LCAT: variants seen among roughly 807,000 people sequenced by gnomAD.
LCAT encodes lecithin-cholesterol acyltransferase.
In LCAT, 15 loss-of-function variants were observed where a neutral mutation model predicts 41.0. The ratio of observed to expected loss-of-function variants is 0.37; its 90% confidence interval spans 0.24 to 0.56. The LOEUF is 0.56. LCAT is among the 20% of genes least tolerant of loss of function. The pLI, the probability that LCAT is intolerant of heterozygous loss-of-function variation, is 0.81. For missense variants in LCAT, 449 were observed against 595.1 expected (o/e 0.75, Z 2.55); for synonymous variants, 248 against 245.4 (o/e 1.01, Z -0.10).
intron 5 of LCAT, chr16:67,941,988 C>T (rs1160743840): frequency 1.7e-6 from 2 of 1,201,430 alleles, no homozygotes; most frequent in Admixed American, 3.6e-5. Flanking sequence ...GGGGGTCTGG[C>T]CCTAGCTCTG....
rs121908055 is a variant in LCAT, at chr16:67,942,967, G to A, written c.321C>T (p.Tyr107=). 1 of 1,613,892 alleles carries A rather than the reference G, an allele frequency of 6.2e-7. No individual in the cohort carries two copies. Among genetic ancestry groups the A allele is most frequent in the Non-Finnish European group, 8.5e-7 (1 of 1,179,968 alleles). The change falls in exon 3 of 6, where the codon TAC becomes TAT. Residue 107 remains tyrosine, a synonymous_variant. Coordinates refer to ENST00000264005, the MANE Select transcript of LCAT (RefSeq NM_000229.2). The surrounding 1 kb of genome is among the most constrained non-coding windows in gnomAD (Gnocchi z 6.6). ...DCWIDNTRVV[Y]NRSSGLVSNA... ...TGGACACGAGCCCAGAGCTCCGGTTGTAGACAACCCTGCGGGGCGGGGGTG... is the reference window on the plus strand; with the variant it reads ...TGGACACGAGCCCAGAGCTCCGGTTATAGACAACCCTGCGGGGCGGGGGTG...
chr16:67,942,477 G>A lies in LCAT; in HGVS notation c.634C>T (p.Leu212Phe). The A allele has an allele frequency of 1.2e-6, 2 of 1,613,872 alleles. No homozygotes were observed. Among genetic ancestry groups the A allele is most frequent in the South Asian group, 2.2e-5 (2 of 91,088 alleles). ...TGGGGCTGGCGCAGCAGGAAATAGA[G>A]CAAGTGTAGACAGCCGAGGCTGTGG... ...IGHSLGCLHL[L>F]YFLLRQPQAW... Residue 212 changes from leucine (L) to phenylalanine (F), a missense_variant, in exon 5 of 6, where the codon CTC (leucine) becomes TTC (phenylalanine). Physicochemically the swap from Leu to Phe is conservative, Grantham distance 22. Transcript: ENST00000264005. The surrounding 1 kb of genome is among the most constrained non-coding windows in gnomAD (Gnocchi z 6.6).
At position 67,942,125 on chromosome 16, in the gene LCAT, G is replaced by T. The variant is rs2058294811; in HGVS notation, c.748+238C>A. On this transcript the variant is annotated intron_variant, in intron 5 of 5. Coordinates refer to ENST00000264005, the MANE Select transcript of LCAT (RefSeq NM_000229.2). The surrounding 1 kb of genome is among the most constrained non-coding windows in gnomAD (Gnocchi z 6.6). ...ACAAACCCTGGGAGCAGATAGCTGG[G>T]ATTCACTTTCTGTGTTCACTGCCCC... 2 of 1,410,508 alleles carry T rather than the reference G, an allele frequency of 1.4e-6. No homozygotes were observed. Among genetic ancestry groups the T allele is most frequent in the East Asian group, 2.6e-5 (1 of 37,906 alleles). 87.4% of individuals were successfully genotyped at this position (1,410,508 alleles called of 1,614,324 possible). A position where few individuals can be genotyped will look rare whatever the true frequency, so the allele number is the denominator to read the frequency against.
rs1432561712 is a variant in LCAT at position 67,943,001 on chromosome 16, CAGCCAGT to C, written c.312-32_312-26del. ...CCTGCGGGGCGGGGGTGCCACTCAG[CAGCCAGT>C]AGCCAAGGGGCAGCGTGTTGGGGCT... On this transcript the variant is annotated intron_variant, in intron 2 of 5. Coordinates refer to ENST00000264005, the MANE Select transcript of LCAT (RefSeq NM_000229.2). This position sits in a 1 kb window ranked among gnomAD's most constrained non-coding sequence, Gnocchi z 4.6. 6.2e-7 allele frequency: 1 copy of C among 1,613,740 alleles called. No individual in the cohort carries two copies. Among genetic ancestry groups the C allele is most frequent in the Non-Finnish European group, 8.5e-7 (1 of 1,179,872 alleles).
In LCAT at chr16:67,943,771, G is replaced by A; in HGVS notation, c.154+177C>T. The A allele has an allele frequency of 1.6e-6, 1 of 630,622 alleles. No homozygotes were observed. Among genetic ancestry groups the A allele is most frequent in the Non-Finnish European group, 2.7e-6 (1 of 369,388 alleles). The allele number at this position is 630,622 out of a possible 1,614,324, so 39.1% of individuals were successfully genotyped here. On this transcript the variant is annotated intron_variant, in intron 1 of 5. Transcript: ENST00000264005. The surrounding 1 kb of genome is among the most constrained non-coding windows in gnomAD (Gnocchi z 4.6). ...ACAACTGAGAGTCACAGTGTGGTGG[G>A]AGAAGGGACGTCATTCCTCTAAGGG...
Position 67,941,620 on chromosome 16 carries a change from GAAA to G in LCAT, c.748+740_748+742del, listed in dbSNP as rs575990770. On this transcript the variant is annotated intron_variant, in intron 5 of 5. Transcript: ENST00000264005. ...CGACAGAATGACCCTGTCTGAAAAA[GAAA>G]AAAAAAAGTAGGCGGGGCTTCCTGA... is the stretch of plus-strand genomic sequence containing the variant. 3.1e-3 allele frequency: 2,792 copies of G among 907,578 alleles called. 3 individuals are homozygous for G. Among genetic ancestry groups the G allele is most frequent in the Non-Finnish European group, 3.5e-3 (2,683 of 760,834 alleles). The allele number at this position is 907,578 out of a possible 1,614,324, so 56.2% of individuals were successfully genotyped here. A position where few individuals can be genotyped will look rare whatever the true frequency, so the allele number is the denominator to read the frequency against.
rs1275888586 is a variant in LCAT at position 67,942,981 on chromosome 16, G to A, written c.312-5C>T. Reference sequence around the variant, plus strand: ...GAGCTCCGGTTGTAGACAACCCTGCGGGGCGGGGGTGCCACTCAGCAGCCA... The same window carrying A: ...GAGCTCCGGTTGTAGACAACCCTGCAGGGCGGGGGTGCCACTCAGCAGCCA... On this transcript the variant is annotated splice_region_variant and splice_polypyrimidine_tract_variant and intron_variant, in intron 2 of 5. Coordinates refer to ENST00000264005, the MANE Select transcript of LCAT (RefSeq NM_000229.2). This position sits in a 1 kb window ranked among gnomAD's most constrained non-coding sequence, Gnocchi z 6.6. 17 of 1,613,666 alleles carry A rather than the reference G, an allele frequency of 1.1e-5. No individual in the cohort carries two copies. Among genetic ancestry groups the A allele is most frequent in the Admixed American group, 3.3e-5 (2 of 59,992 alleles).
Position 67,939,949 on chromosome 16 carries a change from G to A in LCAT, c.1278C>T (p.Pro426=). ...AILLGAYRQG[P]PASPTASPEP... Reference sequence around the variant, plus strand: ...CTGGGCTGGCAGTCGGGGATGCAGGGGGACCCTGGCGGTAGGCACCCAGCA... The same window carrying A: ...CTGGGCTGGCAGTCGGGGATGCAGGAGGACCCTGGCGGTAGGCACCCAGCA... The change falls in exon 6 of 6, where the codon CCC becomes CCT. Residue 426 remains proline, a synonymous_variant. Coordinates refer to ENST00000264005, the MANE Select transcript of LCAT (RefSeq NM_000229.2). 6.2e-7 allele frequency: 1 copy of A among 1,613,556 alleles called. No individual in the cohort carries two copies. Among genetic ancestry groups the A allele is most frequent in the Non-Finnish European group, 8.5e-7 (1 of 1,179,982 alleles).
In LCAT at chr16:67,942,342, A is replaced by C. The variant is rs201542401; in HGVS notation, c.748+21T>G. 7 of 1,610,666 alleles carry C rather than the reference A, an allele frequency of 4.3e-6. No homozygotes were observed. The highest frequency in any genetic ancestry group is 4.2e-6 in the Non-Finnish European group (5 of 1,177,392). On this transcript the variant is annotated intron_variant, in intron 5 of 5. Coordinates refer to ENST00000264005, the MANE Select transcript of LCAT (RefSeq NM_000229.2). This position sits in a 1 kb window ranked among gnomAD's most constrained non-coding sequence, Gnocchi z 6.6. ...CTTGGTCTCACCCATCGCTGGACCT[A>C]AGTGTTCGAGGCCTTCTCACCTGAG...
In LCAT at chr16:67,942,332, C is replaced by T. The variant is rs770997562; in HGVS notation, c.748+31G>A. ...CCAGGATCAGCTTGGTCTCACCCAT[C>T]GCTGGACCTAAGTGTTCGAGGCCTT... On this transcript the variant is annotated intron_variant, in intron 5 of 5. Coordinates refer to ENST00000264005, the MANE Select transcript of LCAT (RefSeq NM_000229.2). This position sits in a 1 kb window ranked among gnomAD's most constrained non-coding sequence, Gnocchi z 6.6. The T allele has an allele frequency of 2.9e-5, 46 of 1,605,486 alleles. No individual in the cohort carries two copies. The highest frequency in any genetic ancestry group is 1.7e-4 in the Middle Eastern group (1 of 6,030).
chr16:67,940,410 AGGT>A lies in LCAT; in HGVS notation c.814_816del (p.Thr272del). ...ATGCGAGAGGGAAACATCCAGGGGG[AGGT>A]GGTGGTTATGCGCTGCTCCTCTTTC... On this transcript the variant is annotated inframe_deletion, in exon 6 of 6. Transcript: ENST00000264005. 1 of 1,613,850 alleles carries A rather than the reference AGGT, an allele frequency of 6.2e-7. No individual in the cohort carries two copies. Among genetic ancestry groups the A allele is most frequent in the Non-Finnish European group, 8.5e-7 (1 of 1,179,982 alleles).
chr16:67,940,059 G>A lies in LCAT; in HGVS notation c.1168C>T (p.Pro390Ser), dbSNP rs201495441. 45 of 1,613,128 alleles carry A rather than the reference G, an allele frequency of 2.8e-5. No individual in the cohort carries two copies. In the East Asian group the frequency reaches 9.4e-4, roughly 34 times the overall value. The change falls in exon 6 of 6, where the codon CCT (proline) becomes TCT (serine). Residue 390 changes from proline (P) to serine (S), a missense_variant. Physicochemically the swap from Pro to Ser is moderately conservative, Grantham distance 74. Coordinates refer to ENST00000264005, the MANE Select transcript of LCAT (RefSeq NM_000229.2). ...CGLWQGRQPQ[P>S]VHLLPLHGIQ... ...CCGTGCAGGGGCAGCAGGTGCACAG[G>A]CTGTGGCTGGCGGCCCTGCCACAGG...
At chr16:67,941,609 T>C in intron 5 of LCAT, 3 of 983,334 alleles carry the variant, frequency 3.1e-6, no homozygotes, top group Non-Finnish European at 3.6e-6. Flanking sequence ...AGAATGACCC[T>C]GTCTGAAAAA....
chr16:67,943,248 CCCCCCGTGACCCTTA>C lies in LCAT; in HGVS notation c.155-51_155-37del. The C allele has an allele frequency of 6.7e-7, 1 of 1,484,884 alleles. No homozygotes were observed. Among genetic ancestry groups the C allele is most frequent in the Non-Finnish European group, 9.3e-7 (1 of 1,080,252 alleles). 92.0% of individuals were successfully genotyped at this position (1,484,884 alleles called of 1,614,324 possible). ...CAGCCCTCACTCTGGACTCTGGATT[CCCCCCGTGACCCTTA>C]CCCCCGTCACCCCAGATGCTGCAGT... On this transcript the variant is annotated intron_variant, in intron 1 of 5. Transcript: ENST00000264005. This position sits in a 1 kb window ranked among gnomAD's most constrained non-coding sequence, Gnocchi z 4.6.
chr16:67,939,787 C>T lies in LCAT; in HGVS notation c.*117G>A. On this transcript the variant is annotated 3_prime_UTR_variant, in exon 6 of 6. Transcript: ENST00000264005. ...GGCCTCAGCAGAGCCCATCTTGCCT[C>T]ACTGCACACAGCACTGAGCCTGTGG... 6.6e-7 allele frequency: 1 copy of T among 1,518,162 alleles called. No homozygotes were observed. The highest frequency in any genetic ancestry group is 8.9e-7 in the Non-Finnish European group (1 of 1,127,750). The allele number at this position is 1,518,162 out of a possible 1,614,324, so 94.0% of individuals were successfully genotyped here. A position where few individuals can be genotyped will look rare whatever the true frequency, so the allele number is the denominator to read the frequency against.
Position 67,943,373 on chromosome 16 carries a change from T to A in LCAT, c.155-161A>T. 4 of 614,138 alleles carry A rather than the reference T, an allele frequency of 6.5e-6. No individual in the cohort carries two copies. Among genetic ancestry groups the A allele is most frequent in the Non-Finnish European group, 8.7e-6 (3 of 346,104 alleles). The allele number at this position is 614,138 out of a possible 1,614,324, so 38.0% of individuals were successfully genotyped here. A position where few individuals can be genotyped will look rare whatever the true frequency, so the allele number is the denominator to read the frequency against. The stretch of plus-strand genomic sequence containing the variant: ...CTCCCCTGCTTACACCCCCTCTCCC[T>A]GCTGTCCCCCCAGTAGCCAAAGCCC... On this transcript the variant is annotated intron_variant, in intron 1 of 5. Transcript: ENST00000264005. The surrounding 1 kb of genome is among the most constrained non-coding windows in gnomAD (Gnocchi z 4.6).
chr16:67,943,589 C>T lies in LCAT; in HGVS notation c.154+359G>A. 1 of 506,126 alleles carries T rather than the reference C, an allele frequency of 2.0e-6. No homozygotes were observed. The highest frequency in any genetic ancestry group is 3.6e-6 in the Non-Finnish European group (1 of 277,958). 31.4% of individuals were successfully genotyped at this position (506,126 alleles called of 1,614,324 possible). On this transcript the variant is annotated intron_variant, in intron 1 of 5. Transcript: ENST00000264005. This position sits in a 1 kb window ranked among gnomAD's most constrained non-coding sequence, Gnocchi z 4.6. The stretch of plus-strand genomic sequence containing the variant: ...GGATGGGCCTCTCCTGCTCACCGAT[C>T]CTGGGCTGGGCATCTTGTCCTTGGT...
At position 67,940,137 on chromosome 16, in the gene LCAT, G is replaced by A; in HGVS notation, c.1090C>T (p.Leu364Phe). The A allele has an allele frequency of 1.2e-6, 2 of 1,613,534 alleles. No individual in the cohort carries two copies. Among genetic ancestry groups the A allele is most frequent in the Non-Finnish European group, 1.7e-6 (2 of 1,180,016 alleles). The change falls in exon 6 of 6, where the codon CTC becomes TTC. Residue 364 changes from leucine (L) to phenylalanine (F), a missense_variant. Coordinates refer to ENST00000264005, the MANE Select transcript of LCAT (RefSeq NM_000229.2). The part of the protein sequence containing the change: ...GFPYTDPVGV[L>F]YEDGDDTVAT... ...ACCGTGTCATCACCATCCTCATAGAGCACACCCACAGGGTCCGTGTAGGGG... is the reference window on the plus strand; with the variant it reads ...ACCGTGTCATCACCATCCTCATAGAACACACCCACAGGGTCCGTGTAGGGG...
Position 67,939,824 on chromosome 16 carries a change from T to G in LCAT, c.*80A>C, listed in dbSNP as rs1598202190. On this transcript the variant is annotated 3_prime_UTR_variant, in exon 6 of 6. Coordinates refer to ENST00000264005, the MANE Select transcript of LCAT (RefSeq NM_000229.2). ...CACTGAGCCTGTGGCTGGTGAGGAG[T>G]GAAACCTAGTGTGGGACTCTAGTGC... is the stretch of plus-strand genomic sequence containing the variant. The G allele has an allele frequency of 6.4e-7, 1 of 1,559,490 alleles. No homozygotes were observed. Among genetic ancestry groups the G allele is most frequent in the Non-Finnish European group, 8.7e-7 (1 of 1,150,032 alleles).
Sources: gnomAD v4.1 joint callset for allele counts on GRCh38, gnomAD v4.1.1 for gene constraint, Gnocchi (gnomAD v3.1) non-coding constraint, MANE v1.5 for transcripts, NCBI Gene and HGNC (gene_info 2026-07-23, HGNC 2026-07-21) for gene names.